Variants in CMTR1 observed in about 807,000 individuals in gnomAD.
CMTR1 encodes cap-specific mRNA (nucleoside-2'-O-)-methyltransferase 1.
In CMTR1, 39 loss-of-function variants were observed where a neutral mutation model predicts 107.0. The ratio of observed to expected loss-of-function variants is 0.36; its 90% CI spans 0.28 to 0.48. The LOEUF is 0.48. Ranked by LOEUF, CMTR1 falls within the 20% of genes least tolerant of loss-of-function variation. The pLI, the probability that CMTR1 is intolerant of heterozygous loss-of-function variation, is 0.99. For missense variants in CMTR1, 672 were observed against 1,064.9 expected (o/e 0.63, Z 5.14); for synonymous variants, 366 against 379.5 (o/e 0.96, Z 0.41).
chr6:37,475,737 T>C (rs1354601928), intron 19 of CMTR1: 3 of 493,892 alleles, frequency 6.1e-6, no homozygotes, highest in Non-Finnish European at 1.1e-5. Flanking sequence ...GGAAGAAATA[T>C]CCTGTGCTTG....
intron 8 of CMTR1, among the ~76,000 whole-genome samples, chr6:37,456,329 C>T (rs1409398570): frequency 6.6e-6 from 1 of 152,128 alleles, no homozygotes; most frequent in Non-Finnish European, 1.5e-5. Context: ...GATGAATAAT[C>T]GATGGCTCAG....
chr6:37,480,088 C>T lies in CMTR1; in HGVS notation c.2451C>T (p.Asp817=). 6.3e-7 allele frequency: 1 copy of T among 1,592,746 alleles called. No homozygotes were observed. The highest frequency in any genetic ancestry group is 8.5e-7 in the Non-Finnish European group (1 of 1,171,800). Residue 817 remains aspartate (D), a synonymous_variant, in exon 24 of 24, where the codon GAC becomes GAT. Transcript: ENST00000373451. ...TGCATGACTCCCAGAAGCCCCAGGA[C>T]CAGGACAAGCTGTCCAAGGAGGACG... The part of the protein sequence containing the change: ...IRVHDSQKPQ[D]QDKLSKEDVL...
chr6:37,469,308 T>C (rs987744447), intron 13 of CMTR1, among the ~76,000 whole-genome samples: 2 of 152,100 alleles, frequency 1.3e-5, no homozygotes, highest in Non-Finnish European at 2.9e-5. Flanking sequence ...CCATTATACC[T>C]GTTGTTTTTC....
At position 37,479,960 on chromosome 6, in the gene CMTR1, C is replaced by T. The variant is rs562006372; in HGVS notation, c.2376-53C>T. 4 of 1,456,200 alleles carry T rather than the reference C, an allele frequency of 2.7e-6. No individual in the cohort carries two copies. In the South Asian group the frequency reaches 4.5e-5, roughly 16 times the overall value. The allele number at this position is 1,456,200 out of a possible 1,614,324, so 90.2% of individuals were successfully genotyped here. On this transcript the variant is annotated intron_variant, in intron 23 of 23. Transcript: ENST00000373451. ...CCCCACACCCTTAAGAACACATGAC[C>T]CTGTGCCATCTGGGTGCAGTCCTGA... is the stretch of plus-strand genomic sequence containing the variant.
In CMTR1 at chr6:37,480,987, G is replaced by A. The variant is rs112485104; in HGVS notation, c.*842G>A. The A allele has an allele frequency of 9.7e-3, 12,561 of 1,295,566 alleles. 110 individuals carry two copies. Among genetic ancestry groups the A allele is most frequent in the Middle Eastern group, 0.016 (65 of 4,112 alleles). 80.3% of individuals were successfully genotyped at this position (1,295,566 alleles called of 1,614,324 possible). ...CCAGCAGTAACAAAGGGTACCTCCA[G>A]GGGTTTGGGTAGCGCTGCCCTCTGG... On this transcript the variant is annotated 3_prime_UTR_variant, in exon 24 of 24. Coordinates refer to ENST00000373451, the MANE Select transcript of CMTR1 (RefSeq NM_015050.3).
intron 15 of CMTR1, 52 bp downstream of exon 15, chr6:37,471,956 A>C (rs753320017): frequency 5.1e-6 from 8 of 1,558,902 alleles, no homozygotes; most frequent in Non-Finnish European, 7.0e-6. Context: ...GCCATAGAGA[A>C]GAATGGGGTT....
At chr6:37,456,736 A>G (rs1260074569) in intron 8 of CMTR1, among the ~76,000 whole-genome samples, 3 of 152,118 alleles carry the variant, frequency 2.0e-5, no homozygotes, top group Non-Finnish European at 2.9e-5. Flanking sequence ...TTTTGCAGTT[A>G]CTCACTTGTA....
chr6:37,454,661 G>A (rs914350), intron 8 of CMTR1, among the ~76,000 whole-genome samples: 146,584 of 152,248 alleles, frequency 0.96, 70,623 homozygotes, highest in East Asian at 1. Context: ...GAGGGTAGAG[G>A]TGTTAGTTAC....
intron 4 of CMTR1, among the ~76,000 whole-genome samples, chr6:37,449,862 T>C (rs1244894410): frequency 6.6e-6 from 1 of 152,234 alleles, no homozygotes; most frequent in Middle Eastern, 3.2e-3. Context: ...AGACCTACAT[T>C]GTATGCGATA....
rs370310831 is a variant in CMTR1, at chr6:37,445,484, C to CTTTTTT, written c.286-790_286-785dup. 1.5e-4 allele frequency among the ~76,000 whole-genome samples: 16 copies of CTTTTTT among 109,170 alleles called. 1 individual carries two copies. The highest frequency in any genetic ancestry group is 2.3e-4 in the East Asian group (1 of 4,310). The allele number at this position is 109,170 out of a possible 152,430, so 71.6% of individuals were successfully genotyped here. ...GTATTATAGTCCTCCCATACCTCAC[C>CTTTTTT]TTTTTTTTTTTTTTTTTTTTTTGAG... On this transcript the variant is annotated intron_variant, in intron 3 of 23. Transcript: ENST00000373451.
At chr6:37,440,634 C>T (rs989311247) in intron 2 of CMTR1, among the ~76,000 whole-genome samples, 3 of 152,178 alleles carry the variant, frequency 2.0e-5, no homozygotes, top group African/African-American at 4.8e-5. Flanking sequence ...TTAGGTAACA[C>T]CTTGGGAGGA....
At position 37,462,832 on chromosome 6, in the gene CMTR1, T is replaced by C. The variant is rs1369982010; in HGVS notation, c.1329T>C (p.Tyr443=). Residue 443 remains tyrosine, a synonymous_variant, in exon 13 of 24, where the codon TAT becomes TAC. Coordinates refer to ENST00000373451, the MANE Select transcript of CMTR1 (RefSeq NM_015050.3). ...ITSRPANSER[Y]VVCKGLKVGI... The stretch of plus-strand genomic sequence containing the variant: ...GTGACAGAGTATCTTCTGCCAGGTA[T>C]GTGGTGTGCAAGGGCCTGAAGGTGG... 5.6e-6 allele frequency: 9 copies of C among 1,612,304 alleles called. No homozygotes were observed. The highest frequency in any genetic ancestry group is 6.8e-6 in the Non-Finnish European group (8 of 1,179,866).
chr6:37,431,806 A>ATGTTT (rs1359609088), upstream of CMTR1, among the ~76,000 whole-genome samples: 1 of 152,194 alleles, frequency 6.6e-6, no homozygotes, highest in African/African-American at 2.4e-5. Flanking sequence ...GAGACATGGC[A>ATGTTT]TGTTTTGTTT....
intron 2 of CMTR1, among the ~76,000 whole-genome samples, chr6:37,442,319 A>G (rs879504809): frequency 2.0e-5 from 3 of 152,232 alleles, no homozygotes; most frequent in Non-Finnish European, 4.4e-5. Flanking sequence ...GTTAAGATAT[A>G]GAGATCCCAT....
At chr6:37,470,016 T>C (rs1761590179) in intron 13 of CMTR1, among the ~76,000 whole-genome samples, 1 of 152,166 alleles carries the variant, frequency 6.6e-6, no homozygotes, top group Non-Finnish European at 1.5e-5. Context: ...CTCTACTATG[T>C]TCAGTCTGCC....
the CMTR1 span, among the ~76,000 whole-genome samples, chr6:37,426,692 C>A: frequency 3.0e-4 from 45 of 152,264 alleles, no homozygotes; most frequent in South Asian, 8.7e-3. Flanking sequence ...CACCACCACA[C>A]GTGGCCAATT....
chr6:37,452,564 C>A (rs1293278985), intron 6 of CMTR1, among the ~76,000 whole-genome samples: 1 of 152,124 alleles, frequency 6.6e-6, no homozygotes, highest in Admixed American at 6.6e-5. Flanking sequence ...ATTTCTTTAT[C>A]TAGAGAGGAA....
intron 13 of CMTR1, among the ~76,000 whole-genome samples, chr6:37,468,804 A>T (rs1271088001): frequency 6.6e-6 from 1 of 152,138 alleles, no homozygotes; most frequent in Non-Finnish European, 1.5e-5. Flanking sequence ...AATCACTTGA[A>T]CCTGGGAGGC....
intron 11 of CMTR1, 83 bp from the exon 12 acceptor site, chr6:37,461,887 T>C (rs1761408808): frequency 1.3e-6 from 2 of 1,489,526 alleles, no homozygotes; most frequent in Non-Finnish European, 1.9e-6. Flanking sequence ...TCCTTGACTT[T>C]GTCATATTTA....
Sources: allele counts gnomAD v4.1 joint callset (sites outside exome capture counted in the v4.1 genomes callset), GRCh38; gene constraint gnomAD v4.1.1; transcripts MANE v1.5; gene names NCBI Gene and HGNC (gene_info 2026-07-23, HGNC 2026-07-21).